The following LARP4B variants were observed in gnomAD, a reference collection of about 807,000 sequenced individuals.
LARP4B encodes the protein la-related protein 4B.
Under a neutral mutation model 89.8 loss-of-function variants are expected in LARP4B, and 12 were observed. The observed-to-expected ratio is 0.13, with a 90% CI of 0.09 to 0.22. LARP4B has a LOEUF of 0.22. LARP4B is among the 10% of genes least tolerant of loss of function. The pLI is 1.00. For synonymous variants in LARP4B, 367 were observed against 363.3 expected (o/e 1.01, Z -0.12); for missense variants, 757 against 947.7 (o/e 0.80, Z 2.64).
At chr10:835,594 G>C (rs1416988917) in intron 8 of LARP4B, among the ~76,000 whole-genome samples, 1 of 152,206 alleles carries the variant, frequency 6.6e-6, no homozygotes, top group African/African-American at 2.4e-5. Context: ...AAGCAACTCA[G>C]TTTAGGCATC....
upstream of LARP4B, among the ~76,000 whole-genome samples, chr10:933,474 C>G (rs567113041): frequency 2.0e-5 from 3 of 152,154 alleles, no homozygotes; most frequent in Non-Finnish European, 4.4e-5. Context: ...AAAGCCTCTC[C>G]GGCTTCCCAT....
intron 1 of LARP4B, among the ~76,000 whole-genome samples, chr10:916,020 G>A (rs1324813371): frequency 2.0e-5 from 3 of 152,094 alleles, no homozygotes; most frequent in South Asian, 2.1e-4. Context: ...CTGGAAGTCC[G>A]AGAGAGACCT....
chr10:845,045 C>T lies in LARP4B; in HGVS notation c.441G>A (p.Glu147=), dbSNP rs758778437. ...GGTCTTCCTGGCTGTCTGGTTGAGA[C>T]TCATTTCCTCCTACATAAAAGTAAT... ...LPENSETGGN[E]SQPDSQEDPR... Residue 147 remains glutamate, a synonymous_variant, in exon 6 of 18, where the codon GAG becomes GAA. Coordinates refer to ENST00000316157, the MANE Select transcript of LARP4B (RefSeq NM_015155.3). The T allele has an allele frequency of 1.2e-6, 2 of 1,605,784 alleles. No individual in the cohort carries two copies. Among genetic ancestry groups the T allele is most frequent in the Non-Finnish European group, 1.7e-6 (2 of 1,177,992 alleles).
intron 1 of LARP4B, among the ~76,000 whole-genome samples, chr10:928,879 G>T (rs898684244): frequency 2.7e-5 from 4 of 146,542 alleles, no homozygotes; most frequent in African/African-American, 9.8e-5. Flanking sequence ...CAGCCTGCAC[G>T]TATTTTAGAA....
At chr10:818,039 A>G in intron 14 of LARP4B, 150 bp from the exon 15 acceptor site, 1 of 709,762 alleles carries the variant, frequency 1.4e-6, no homozygotes, top group Non-Finnish European at 2.3e-6. Context: ...GGTTCTCCCA[A>G]GCAACTTCAA....
At chr10:849,590 G>A (rs570088924) in intron 5 of LARP4B, among the ~76,000 whole-genome samples, 2 of 152,284 alleles carry the variant, frequency 1.3e-5, no homozygotes, top group African/African-American at 4.8e-5. Flanking sequence ...TCATGGAGGG[G>A]GACCATAAAT....
intron 1 of LARP4B, among the ~76,000 whole-genome samples, chr10:892,802 G>C (rs1033677931): frequency 1.3e-5 from 2 of 151,718 alleles, no homozygotes; most frequent in Admixed American, 6.6e-5. Flanking sequence ...GCCTCCCAAA[G>C]TGCTGGGATT....
chr10:813,720 CAAGAAATGTGT>C (rs1183701189), intron 17 of LARP4B, among the ~76,000 whole-genome samples: 3 of 151,734 alleles, frequency 2.0e-5, no homozygotes, highest in Non-Finnish European at 2.9e-5. Context: ...CTAAAATCTT[CAAGAAATGTGT>C]AATAGGGTTT....
chr10:957,711 G>A, the LARP4B span, among the ~76,000 whole-genome samples: 2 of 151,908 alleles, frequency 1.3e-5, no homozygotes, highest in Non-Finnish European at 1.5e-5. Flanking sequence ...TAAGCTTTGC[G>A]GGGTATGATT....
At chr10:940,442 T>C in the LARP4B span, among the ~76,000 whole-genome samples, 1 of 152,170 alleles carries the variant, frequency 6.6e-6, no homozygotes, top group African/African-American at 2.4e-5. Context: ...GCATGAGCCA[T>C]CACGCCCAGC....
At chr10:833,233 G>A (rs1364417277) in intron 8 of LARP4B, among the ~76,000 whole-genome samples, 4 of 94,810 alleles carry the variant, frequency 4.2e-5, no homozygotes, top group South Asian at 3.7e-4. Flanking sequence ...TAACACTAAC[G>A]ATAGCTGATG....
intron 3 of LARP4B, among the ~76,000 whole-genome samples, chr10:883,221 A>G (rs1835740619): frequency 1.3e-5 from 2 of 152,240 alleles, no homozygotes; most frequent in African/African-American, 4.8e-5. Context: ...TTTTTAAAAA[A>G]TCAATGTGCA....
chr10:957,966 T>G, the LARP4B span, among the ~76,000 whole-genome samples: 1 of 151,878 alleles, frequency 6.6e-6, no homozygotes, highest in African/African-American at 2.4e-5. Flanking sequence ...CTGGCTGATT[T>G]TTGCGTTGTT....
At chr10:818,176 C>A in intron 14 of LARP4B, 1 of 285,908 alleles carries the variant, frequency 3.5e-6, no homozygotes, top group Non-Finnish European at 6.6e-6. Context: ...CCAGCACTCA[C>A]GAACAGCAGG....
At chr10:984,948 A>G in the LARP4B span, among the ~76,000 whole-genome samples, 1 of 152,166 alleles carries the variant, frequency 6.6e-6, no homozygotes, top group Non-Finnish European at 1.5e-5. Flanking sequence ...AAATAAACAA[A>G]CAAACAAATA....
the LARP4B span, among the ~76,000 whole-genome samples, chr10:939,584 C>T: frequency 6.6e-6 from 1 of 152,158 alleles, no homozygotes; most frequent in Non-Finnish European, 1.5e-5. Context: ...GGGTGTTTAA[C>T]CTACACAGCA....
chr10:904,211 G>T (rs149608098), intron 1 of LARP4B, among the ~76,000 whole-genome samples: 2 of 152,226 alleles, frequency 1.3e-5, no homozygotes, highest in Middle Eastern at 3.4e-3. Flanking sequence ...TTGAGCTCAG[G>T]AGTTCAAAAC....
At chr10:827,275 C>CAAAAAA (rs58903055) in intron 11 of LARP4B, among the ~76,000 whole-genome samples, 2 of 151,090 alleles carry the variant, frequency 1.3e-5, no homozygotes, top group African/African-American at 4.9e-5. Flanking sequence ...GACTCTGTCT[C>CAAAAAA]AAAGAAAAAG....
Position 824,412 on chromosome 10 carries a change from G to A in LARP4B, c.1484+653C>T, listed in dbSNP as rs543444223. ...GCATGCTGAGGCAATAGGATTGCTTGAACCCAGAAGTTCAAGGCTGTAGTG... is the reference window on the plus strand; with the variant it reads ...GCATGCTGAGGCAATAGGATTGCTTAAACCCAGAAGTTCAAGGCTGTAGTG... On this transcript the variant is annotated intron_variant, in intron 13 of 17. Transcript: ENST00000316157. Among the ~76,000 whole-genome samples the A allele has an allele frequency of 2.6e-5, 4 of 152,284 alleles. No homozygotes were observed. The South Asian group carries it at 8.3e-4, about 32-fold the overall frequency.
Sources: allele counts gnomAD v4.1 joint callset (sites outside exome capture counted in the v4.1 genomes callset), GRCh38; gene constraint gnomAD v4.1.1; transcripts MANE v1.5; gene names NCBI Gene and HGNC (gene_info 2026-07-23, HGNC 2026-07-21).